LCORL: variants seen among roughly 807,000 people sequenced by gnomAD.
LCORL encodes the protein ligand dependent nuclear receptor corepressor like.
A neutral mutation model predicts 141.8 loss-of-function variants in LCORL; 41 were observed. The observed-to-expected ratio is 0.29, with a 90% CI of 0.23 to 0.38. The LOEUF is 0.38. Among genes scored for constraint, LCORL ranks in the 10% least tolerant of loss-of-function variants. The probability of loss-of-function intolerance (pLI) is 1.00; values close to 1 mark genes in which losing one functional copy is unlikely to be tolerated. For synonymous variants in LCORL, 618 were observed against 694.1 expected (o/e 0.89, Z 1.72); for missense variants, 1,759 against 2,035.0 (o/e 0.86, Z 2.61).
chr4:17,873,470 C>A, exon 7 of LCORL: 4 of 1,233,506 alleles, frequency 3.2e-6, no homozygotes, highest in Non-Finnish European at 4.1e-6. Context: ...TTTCTGTGAT[C>A]TTCCATGGTG....
At chr4:17,870,321 T>G (rs1172853475) in intron 7 of LCORL, among the ~76,000 whole-genome samples, 1 of 152,094 alleles carries the variant, frequency 6.6e-6, no homozygotes, top group Non-Finnish European at 1.5e-5. Context: ...CCAGGCTGCT[T>G]GCTCTCTTTT....
intron 4 of LCORL, among the ~76,000 whole-genome samples, chr4:17,940,477 AAT>A (rs1324106421): frequency 1.6e-5 from 2 of 121,962 alleles, no homozygotes; most frequent in Non-Finnish European, 3.5e-5. Context: ...TAATATATGT[AAT>A]ATATATGTAT....
At chr4:17,919,785 C>T (rs1321883094) in intron 4 of LCORL, among the ~76,000 whole-genome samples, 3 of 152,218 alleles carry the variant, frequency 2.0e-5, no homozygotes, top group Admixed American at 1.3e-4. Context: ...GCCCTCCTTT[C>T]ACCTGCCCTG....
chr4:17,917,940 A>AAAAACAAAACAAAAC (rs139664926), intron 4 of LCORL, among the ~76,000 whole-genome samples: 1,837 of 151,848 alleles, frequency 0.012, 46 homozygotes, highest in African/African-American at 0.042. Flanking sequence ...ACAGGTTAAC[A>AAAAACAAAACAAAAC]AAAACAAAAC....
exon 8 of LCORL, chr4:17,841,708 A>T (rs1446084196): frequency 6.6e-6 from 1 of 151,944 alleles, no homozygotes; most frequent in African/African-American, 2.4e-5. Flanking sequence ...CACAAGCCAA[A>T]CTTTGTCTTA....
In LCORL at chr4:17,898,018, C is replaced by A. The variant is rs145328340; in HGVS notation, c.682+11076G>T. Among the ~76,000 whole-genome samples, 1,097 of 152,250 alleles carry A rather than the reference C, an allele frequency of 7.2e-3. 19 individuals carry two copies. Among genetic ancestry groups the A allele is most frequent in the African/African-American group, 0.025 (1,058 of 41,542 alleles). ...TGGTTTGCACTGCGTTTCCAATCCA[C>A]ATGTAATATAAGGTTTTTTACTTGA... On this transcript the variant is annotated intron_variant, in intron 5 of 7. Transcript: ENST00000635767.
chr4:17,972,847 G>A (rs1280074118), exon 2 of LCORL: 1 of 1,439,238 alleles, frequency 6.9e-7, no homozygotes, highest in Non-Finnish European at 9.1e-7. Context: ...TCTCTTCGTA[G>A]CCGTGGTCCA....
At chr4:17,881,314 G>C (rs1210591886) in intron 6 of LCORL, 1 of 981,052 alleles carries the variant, frequency 1.0e-6, no homozygotes, top group East Asian at 1.1e-4. Flanking sequence ...AAAGTACTTT[G>C]AAAGTTTAAC....
rs1371013397 is a variant in LCORL at position 17,952,295 on chromosome 4, T to C, written c.430+9608A>G. ...TGATCAGGTCTGCATTCTCACCTAC[T>C]ATACTTTCTCAAATGAATTAGAATA... On this transcript the variant is annotated intron_variant, in intron 4 of 7. Coordinates refer to ENST00000635767, the Ensembl canonical transcript of LCORL. Among the ~76,000 whole-genome samples the C allele has an allele frequency of 2.0e-5, 3 of 152,096 alleles. No individual in the cohort carries two copies. In the East Asian group the frequency reaches 5.8e-4, roughly 29 times the overall value.
intron 6 of LCORL, chr4:17,880,606 CTT>C (rs1277657480): frequency 1.0e-6 from 1 of 978,756 alleles, no homozygotes; most frequent in African/African-American, 1.8e-5. Flanking sequence ...CAGTTTTTTT[CTT>C]TTCTTTTCTT....
At chr4:17,954,102 G>A (rs1239053601) in intron 4 of LCORL, among the ~76,000 whole-genome samples, 1 of 152,184 alleles carries the variant, frequency 6.6e-6, no homozygotes, top group Admixed American at 6.5e-5. Flanking sequence ...GGTGGAGCTT[G>A]CAGTGAGCCG....
At chr4:17,875,642 G>A in exon 7 of LCORL, 1 of 1,231,198 alleles carries the variant, frequency 8.1e-7, no homozygotes. Context: ...CAGCACTAAA[G>A]GGCTCATTCT....
At chr4:18,012,808 G>C (rs527239240) in intron 1 of LCORL, among the ~76,000 whole-genome samples, 3 of 152,186 alleles carry the variant, frequency 2.0e-5, no homozygotes, top group African/African-American at 7.2e-5. Flanking sequence ...ACATATAAAA[G>C]AATCATGGTT....
At chr4:17,934,995 T>C (rs1249781757) in intron 4 of LCORL, among the ~76,000 whole-genome samples, 2 of 152,112 alleles carry the variant, frequency 1.3e-5, no homozygotes, top group Non-Finnish European at 2.9e-5. Context: ...GCATTCAAAC[T>C]GACATACTCA....
intron 1 of LCORL, among the ~76,000 whole-genome samples, chr4:18,008,845 T>C (rs534972558): frequency 2.0e-5 from 3 of 152,280 alleles, no homozygotes; most frequent in African/African-American, 4.8e-5. Flanking sequence ...CGTAGACTAA[T>C]GACACTGTTT....
Position 17,985,578 on chromosome 4 carries a change from C to T in LCORL, c.155-12693G>A, listed in dbSNP as rs956650537. Among the ~76,000 whole-genome samples, 10 of 152,128 alleles carry T rather than the reference C, an allele frequency of 6.6e-5. No individual in the cohort carries two copies. In the East Asian group the frequency reaches 1.4e-3, roughly 21 times the overall value. On this transcript the variant is annotated intron_variant, in intron 1 of 7. Transcript: ENST00000635767. ...TTAAAGTCTGTTTTGTTTGACATTTCGATTGCAACCCTGGCTTTTTTCTCA... is the reference window on the plus strand; with the variant it reads ...TTAAAGTCTGTTTTGTTTGACATTTTGATTGCAACCCTGGCTTTTTTCTCA...
chr4:17,842,710 A>G (rs1356550243), exon 8 of LCORL: 3 of 226,784 alleles, frequency 1.3e-5, no homozygotes, highest in African/African-American at 4.6e-5. Context: ...ACACTTACAT[A>G]CTGATAGAAT....
At chr4:17,944,653 T>C (rs1264629415) in intron 4 of LCORL, among the ~76,000 whole-genome samples, 1 of 152,162 alleles carries the variant, frequency 6.6e-6, no homozygotes, top group Non-Finnish European at 1.5e-5. Context: ...AAACAACCAC[T>C]TCTCCAAGGG....
In LCORL at chr4:17,974,841, A is replaced by C. The variant is rs554837656; in HGVS notation, c.155-1956T>G. ...TAATTCAGTTTTGGTAATTTGTATA[A>C]ATTACAGCACTTATTGGCAAAAAAG... On this transcript the variant is annotated intron_variant, in intron 1 of 7. Coordinates refer to ENST00000635767, the Ensembl canonical transcript of LCORL. Among the ~76,000 whole-genome samples the C allele has an allele frequency of 3.3e-5, 5 of 152,254 alleles. No homozygotes were observed. In the South Asian group the frequency reaches 1.0e-3, roughly 32 times the overall value.
Sources: allele counts gnomAD v4.1 joint callset (sites outside exome capture counted in the v4.1 genomes callset), GRCh38; gene constraint gnomAD v4.1.1; transcripts MANE v1.5; gene names NCBI Gene and HGNC (gene_info 2026-07-23, HGNC 2026-07-21).